Variants in ITPK1 observed in about 807,000 individuals in gnomAD.
ITPK1 encodes the protein inositol-tetrakisphosphate 1-kinase.
Under a neutral mutation model 45.3 loss-of-function variants are expected in ITPK1, and 21 were observed. That is an observed-to-expected ratio of 0.46 (90% CI 0.33 to 0.67). The LOEUF is 0.67. ITPK1 is among the 30% of genes least tolerant of loss of function. The pLI is 0.02. For missense variants in ITPK1, 474 were observed against 573.5 expected, an observed-to-expected ratio of 0.83 and a Z score of 1.77; for synonymous variants, 258 against 253.6, an observed-to-expected ratio of 1.02 and a Z score of -0.16.
intron 3 of ITPK1, among the ~76,000 whole-genome samples, chr14:93,041,427 T>C (rs1889556709): frequency 6.6e-6 from 1 of 152,216 alleles, no homozygotes; most frequent in Non-Finnish European, 1.5e-5. Context: ...GGTTCTGGGA[T>C]GTGAGCACCA....
chr14:92,989,755 C>T (rs1177527125), intron 5 of ITPK1, among the ~76,000 whole-genome samples: 1 of 152,186 alleles, frequency 6.6e-6, no homozygotes, highest in African/African-American at 2.4e-5. Flanking sequence ...TGAATCCAGG[C>T]TCAACGCTGC....
At chr14:93,114,937 TC>T in intron 2 of ITPK1, 131 bp downstream of exon 2, 1 of 514,854 alleles carries the variant, frequency 1.9e-6, no homozygotes, top group Non-Finnish European at 3.3e-6. Context: ...GGACTCAGTC[TC>T]CCCGCGCGCC....
intron 5 of ITPK1, among the ~76,000 whole-genome samples, chr14:92,983,224 C>G (rs1368785186): frequency 1.3e-5 from 2 of 152,208 alleles, no homozygotes; most frequent in African/African-American, 4.8e-5. Flanking sequence ...GACTCTGTGG[C>G]AGCTGCTCCC....
At chr14:93,047,084 C>T (rs1201225940) in intron 3 of ITPK1, among the ~76,000 whole-genome samples, 4 of 152,344 alleles carry the variant, frequency 2.6e-5, no homozygotes, top group East Asian at 1.9e-4. Context: ...TGGACCACTC[C>T]GGACTGGAAA....
At chr14:93,050,218 C>T (rs1024070197) in intron 3 of ITPK1, among the ~76,000 whole-genome samples, 1 of 152,186 alleles carries the variant, frequency 6.6e-6, no homozygotes, top group Non-Finnish European at 1.5e-5. Context: ...CCGGCGGACA[C>T]ACGGGTTCTC....
intron 9 of ITPK1, 44 bp from the exon 10 acceptor site, chr14:92,946,537 G>A: frequency 6.3e-7 from 1 of 1,588,274 alleles, no homozygotes; most frequent in Non-Finnish European, 8.6e-7. Flanking sequence ...CCGAGGAGCT[G>A]CGAAGCCACA....
chr14:92,938,579 G>A lies in ITPK1; in HGVS notation c.*2982C>T, dbSNP rs1887216336. The A allele has an allele frequency of 1.4e-6, 2 of 1,460,446 alleles. No homozygotes were observed. The highest frequency in any genetic ancestry group is 1.4e-5 in the African/African-American group (1 of 71,838). 90.5% of individuals were successfully genotyped at this position (1,460,446 alleles called of 1,614,324 possible). A position where few individuals can be genotyped will look rare whatever the true frequency, so the allele number is the denominator to read the frequency against. The stretch of plus-strand genomic sequence containing the variant: ...AGGTTGCTTTCTCCTTTATTGACAG[G>A]CATGAGACACAGGCAGGCCCAGGCA... On this transcript the variant is annotated 3_prime_UTR_variant, in exon 11 of 11. Coordinates refer to ENST00000267615, the MANE Select transcript of ITPK1 (RefSeq NM_014216.6).
chr14:93,005,255 G>C (rs977579244), intron 4 of ITPK1, among the ~76,000 whole-genome samples: 6 of 152,244 alleles, frequency 3.9e-5, no homozygotes, highest in African/African-American at 1.4e-4. Context: ...TTTATACAGT[G>C]ATCTCTGTGA....
At chr14:92,959,223 T>C (rs1452686261) in intron 7 of ITPK1, among the ~76,000 whole-genome samples, 1 of 152,050 alleles carries the variant, frequency 6.6e-6, no homozygotes, top group Non-Finnish European at 1.5e-5. Context: ...GACAGAGGGG[T>C]GGGCCCTAGG....
chr14:92,974,181 GGGGCCCCTGCA>G (rs1885808562), intron 5 of ITPK1, among the ~76,000 whole-genome samples: 1 of 152,142 alleles, frequency 6.6e-6, no homozygotes, highest in Non-Finnish European at 1.5e-5. Flanking sequence ...CCTGGAGGGT[GGGGCCCCTGCA>G]GGGGCTGGCA....
intron 2 of ITPK1, among the ~76,000 whole-genome samples, chr14:93,088,452 G>A (rs1317386959): frequency 2.0e-5 from 3 of 147,238 alleles, no homozygotes; most frequent in South Asian, 2.3e-4. Context: ...CAATTCTCCC[G>A]CGTTCAAGCA....
At chr14:92,957,226 G>A (rs1290842848) in intron 8 of ITPK1, among the ~76,000 whole-genome samples, 5 of 152,236 alleles carry the variant, frequency 3.3e-5, no homozygotes, top group Admixed American at 6.5e-5. Context: ...GCGTCTGAAC[G>A]CTTCTGATGA....
At chr14:93,071,367 C>T (rs990913087) in intron 3 of ITPK1, 3 of 152,224 alleles carry the variant, frequency 2.0e-5, no homozygotes, top group Admixed American at 1.3e-4. Context: ...TGTCCCTCTC[C>T]GAGGAAGGAT....
At chr14:93,045,312 A>G (rs1361027283) in intron 3 of ITPK1, among the ~76,000 whole-genome samples, 3 of 152,230 alleles carry the variant, frequency 2.0e-5, no homozygotes, top group Admixed American at 2.0e-4. Flanking sequence ...GAAACCACAG[A>G]GGCCAGGTCA....
At chr14:93,099,588 G>T (rs1892229676) in intron 2 of ITPK1, among the ~76,000 whole-genome samples, 2 of 152,138 alleles carry the variant, frequency 1.3e-5, no homozygotes, top group Non-Finnish European at 2.9e-5. Context: ...GCGCAGCCAG[G>T]ACTCTCAGAA....
intron 2 of ITPK1, among the ~76,000 whole-genome samples, chr14:93,077,106 G>GC (rs1400695350): frequency 4.6e-5 from 7 of 152,166 alleles, no homozygotes; most frequent in Non-Finnish European, 1.0e-4. Flanking sequence ...CCTGCCCGCT[G>GC]CCTTCCCAAT....
intron 3 of ITPK1, among the ~76,000 whole-genome samples, chr14:93,037,453 C>G (rs902291721): frequency 1.3e-5 from 2 of 152,242 alleles, no homozygotes; most frequent in African/African-American, 4.8e-5. Context: ...ACAGCAGCCA[C>G]TGGCTGAAGG....
chr14:92,994,739 G>GCT (rs1473425891), intron 4 of ITPK1, among the ~76,000 whole-genome samples: 7 of 152,202 alleles, frequency 4.6e-5, no homozygotes, highest in Non-Finnish European at 1.0e-4. Context: ...AAACTGGAAT[G>GCT]CTGGTGTGAT....
chr14:92,966,844 A>G (rs991373803), intron 5 of ITPK1, among the ~76,000 whole-genome samples: 7 of 152,260 alleles, frequency 4.6e-5, no homozygotes, highest in Non-Finnish European at 1.0e-4. Flanking sequence ...CAAGGGGCGG[A>G]AAGAATATTC....
Sources: gnomAD v4.1 joint callset for allele counts (sites outside exome capture counted in the v4.1 genomes callset) on GRCh38, gnomAD v4.1.1 for gene constraint, MANE v1.5 for transcripts, NCBI Gene and HGNC (gene_info 2026-07-23, HGNC 2026-07-21) for gene names.